SVIL: variants seen among roughly 807,000 people sequenced by gnomAD.
SVIL encodes the protein supervillin, also known as archvillin.
A neutral mutation model predicts 240.4 loss-of-function variants in SVIL; 101 were observed. That is an observed-to-expected ratio of 0.42 (90% CI 0.36 to 0.50). The LOEUF is 0.50. SVIL is among the 20% of genes least tolerant of loss of function. SVIL has a pLI of 0.01. For missense variants in SVIL, 2,512 were observed against 2,818.7 expected, an observed-to-expected ratio of 0.89 and a Z score of 2.46; for synonymous variants, 999 against 1,100.0, an observed-to-expected ratio of 0.91 and a Z score of 1.82.
intron 1 of SVIL, among the ~76,000 whole-genome samples, chr10:29,597,661 A>G (rs938628128): frequency 1.3e-5 from 2 of 152,082 alleles, no homozygotes; most frequent in Non-Finnish European, 2.9e-5. Context: ...CGGCCTCCCA[A>G]AGTGCTGGGA....
At chr10:29,522,012 G>C (rs899733704) in intron 16 of SVIL, among the ~76,000 whole-genome samples, 2 of 152,206 alleles carry the variant, frequency 1.3e-5, no homozygotes, top group Non-Finnish European at 2.9e-5. Flanking sequence ...AAAGTCACAA[G>C]TGGTTTGTGC....
chr10:29,696,957 G>C (rs1962099335), intron 1 of SVIL, among the ~76,000 whole-genome samples: 1 of 145,338 alleles, frequency 6.9e-6, no homozygotes. Flanking sequence ...CCCCGTCCGG[G>C]AGGGAGGTGG....
intron 1 of SVIL, among the ~76,000 whole-genome samples, chr10:29,594,744 A>T (rs1956518282): frequency 6.6e-6 from 1 of 152,018 alleles, no homozygotes; most frequent in Non-Finnish European, 1.5e-5. Flanking sequence ...TTTAGTAGAG[A>T]CAGGGTTTCG....
chr10:29,680,779 C>T (rs181440428), intron 2 of SVIL, among the ~76,000 whole-genome samples: 47 of 152,146 alleles, frequency 3.1e-4, no homozygotes, highest in African/African-American at 1.1e-3. Flanking sequence ...ATTAGCTGGG[C>T]GTAGTGGTGT....
intron 23 of SVIL, among the ~76,000 whole-genome samples, chr10:29,488,056 G>A (rs117031308): frequency 0.014 from 2,065 of 152,070 alleles, 27 homozygotes; most frequent in Non-Finnish European, 0.021. Context: ...GCCCAGAGAC[G>A]CCCTGGTTCA....
intron 2 of SVIL, among the ~76,000 whole-genome samples, chr10:29,684,706 G>T (rs1318917607): frequency 6.6e-6 from 1 of 152,110 alleles, no homozygotes; most frequent in Non-Finnish European, 1.5e-5. Flanking sequence ...AATCTCTTCA[G>T]TATTAGGAAA....
At chr10:29,670,121 A>G (rs1421916244) in intron 2 of SVIL, among the ~76,000 whole-genome samples, 1 of 152,128 alleles carries the variant, frequency 6.6e-6, no homozygotes, top group African/African-American at 2.4e-5. Context: ...TCTCAAAAAA[A>G]AAAAAGATAA....
At chr10:29,520,372 G>A (rs1254172595) in intron 16 of SVIL, among the ~76,000 whole-genome samples, 2 of 152,014 alleles carry the variant, frequency 1.3e-5, no homozygotes, top group African/African-American at 4.8e-5. Context: ...CCCCATTTTC[G>A]TGGAAGAGAA....
intron 1 of SVIL, among the ~76,000 whole-genome samples, chr10:29,725,798 A>G (rs1964251553): frequency 6.6e-6 from 1 of 152,230 alleles, no homozygotes; most frequent in African/African-American, 2.4e-5. Context: ...GAATATGAAG[A>G]ATACTCAGAG....
chr10:29,607,179 CG>C (rs1957060102), intron 1 of SVIL, among the ~76,000 whole-genome samples: 1 of 152,184 alleles, frequency 6.6e-6, no homozygotes, highest in Non-Finnish European at 1.5e-5. Flanking sequence ...TAGTTTTCTT[CG>C]TTGACTTTAA....
intron 22 of SVIL, among the ~76,000 whole-genome samples, chr10:29,489,326 C>CT (rs2132392110): frequency 6.6e-6 from 1 of 152,322 alleles, no homozygotes; most frequent in South Asian, 2.1e-4. Context: ...CAGCAAACAT[C>CT]TATAGACCGG....
chr10:29,532,801 C>T lies in SVIL; in HGVS notation c.1566G>A (p.Glu522=), dbSNP rs1226437018. ...RSEMVLYIQS[E]PVSQDAKPTG... ...TTGGTTTGGCGTCTTGGGACACAGG[C>T]TCACTTTGAATGTAGAGAACCATCT... is the stretch of plus-strand genomic sequence containing the variant. The change falls in exon 8 of 38, where the codon GAG becomes GAA. Residue 522 remains glutamate (E), a synonymous_variant. Transcript: ENST00000355867. 6.2e-7 allele frequency: 1 copy of T among 1,614,132 alleles called. No individual in the cohort carries two copies. The highest frequency in any genetic ancestry group is 8.5e-7 in the Non-Finnish European group (1 of 1,180,014).
At chr10:29,695,652 G>C (rs1295704620) in intron 1 of SVIL, among the ~76,000 whole-genome samples, 1 of 152,074 alleles carries the variant, frequency 6.6e-6, no homozygotes, top group Non-Finnish European at 1.5e-5. Flanking sequence ...GCTGAGGTGG[G>C]AGAATTGCTT....
chr10:29,539,018 A>G (rs1951943175), intron 6 of SVIL, among the ~76,000 whole-genome samples: 1 of 151,972 alleles, frequency 6.6e-6, no homozygotes, highest in Non-Finnish European at 1.5e-5. Flanking sequence ...TTAAAAAGTT[A>G]GTGAAGCATG....
chr10:29,568,170 T>C (rs1326724112), intron 2 of SVIL, among the ~76,000 whole-genome samples: 1 of 152,104 alleles, frequency 6.6e-6, no homozygotes, highest in Non-Finnish European at 1.5e-5. Context: ...CCCTGGATCA[T>C]CATTGCTCTA....
At chr10:29,693,863 T>G (rs1961711202) in intron 1 of SVIL, among the ~76,000 whole-genome samples, 1 of 152,226 alleles carries the variant, frequency 6.6e-6, no homozygotes, top group Non-Finnish European at 1.5e-5. Flanking sequence ...ATCATTATCC[T>G]CATTTTAGAG....
chr10:29,562,770 A>G (rs1589264159), intron 3 of SVIL, among the ~76,000 whole-genome samples: 4 of 7,004 alleles, frequency 5.7e-4, no homozygotes, highest in African/African-American at 2.6e-3. Flanking sequence ...CAAAAAAAAG[A>G]AAAAAAAAAA....
chr10:29,643,502 C>T (rs192320920), intron 3 of SVIL, among the ~76,000 whole-genome samples: 11 of 152,216 alleles, frequency 7.2e-5, no homozygotes, highest in East Asian at 5.8e-4. Flanking sequence ...ATATGTACAC[C>T]GATACACCTG....
intron 1 of SVIL, among the ~76,000 whole-genome samples, chr10:29,604,142 C>T (rs985778324): frequency 2.4e-4 from 37 of 151,964 alleles, no homozygotes; most frequent in African/African-American, 8.9e-4. Context: ...GCACCACATT[C>T]ACATACCTTT....
Sources: gnomAD v4.1 joint callset for allele counts (sites outside exome capture counted in the v4.1 genomes callset) on GRCh38, gnomAD v4.1.1 for gene constraint, MANE v1.5 for transcripts, NCBI Gene and HGNC (gene_info 2026-07-23, HGNC 2026-07-21) for gene names.